The following RIGI variants were observed in gnomAD, a reference collection of about 807,000 sequenced individuals.
RIGI encodes antiviral innate immune response receptor RIG-I.
At chr9:32,504,948 ATATATAT>A in the RIGI span, among the ~76,000 whole-genome samples, 6 of 105,684 alleles carry the variant, frequency 5.7e-5, no homozygotes, top group Middle Eastern at 4.5e-3. Flanking sequence ...ATATTTAAAC[ATATATAT>A]TATATATTTA....
the RIGI span, chr9:32,498,377 AT>A: frequency 2.2e-6 from 1 of 456,572 alleles, no homozygotes; most frequent in Non-Finnish European, 4.4e-6. Flanking sequence ...TGGTCACCCT[AT>A]TCAGCATAAA....
chr9:32,507,221 T>A, the RIGI span, among the ~76,000 whole-genome samples: 19 of 152,170 alleles, frequency 1.2e-4, no homozygotes, highest in Admixed American at 1.2e-3. Flanking sequence ...TCACAGAGCC[T>A]ACAAATTTGA....
chr9:32,493,945 GA>G, the RIGI span: 86 of 1,545,372 alleles, frequency 5.6e-5, no homozygotes, highest in Non-Finnish European at 7.1e-5. Context: ...AGAATAACCT[GA>G]AAAAAAAGAA....
chr9:32,456,874 A>C, the RIGI span: 1 of 434,200 alleles, frequency 2.3e-6, no homozygotes, highest in Non-Finnish European at 4.1e-6. Context: ...TGACTCTAAA[A>C]AGAAGGCTAG....
the RIGI span, among the ~76,000 whole-genome samples, chr9:32,492,012 T>C: frequency 6.6e-6 from 1 of 152,162 alleles, no homozygotes; most frequent in African/African-American, 2.4e-5. Flanking sequence ...AACCAGGCAA[T>C]GTCTGTCAAG....
the RIGI span, among the ~76,000 whole-genome samples, chr9:32,497,735 A>G: frequency 6.6e-6 from 1 of 152,232 alleles, no homozygotes; most frequent in Non-Finnish European, 1.5e-5. Context: ...TGGGCGACAG[A>G]GCGAGACTCC....
At chr9:32,510,913 GA>G in the RIGI span, among the ~76,000 whole-genome samples, 63 of 131,876 alleles carry the variant, frequency 4.8e-4, no homozygotes, top group East Asian at 1.1e-3. Context: ...CAAATGGAAA[GA>G]AAAAAAAAAA....
the RIGI span, chr9:32,457,385 T>C: frequency 6.2e-7 from 1 of 1,613,732 alleles, no homozygotes; most frequent in East Asian, 2.2e-5. Flanking sequence ...AAGCATTCCT[T>C]AAAAGCATCT....
the RIGI span, chr9:32,488,712 T>C: frequency 6.5e-7 from 1 of 1,530,056 alleles, no homozygotes; most frequent in Non-Finnish European, 8.8e-7. Context: ...GAAAAAGAAG[T>C]TGAAGCAACT....
chr9:32,515,827 G>A, the RIGI span, among the ~76,000 whole-genome samples: 1 of 152,160 alleles, frequency 6.6e-6, no homozygotes. Context: ...GCATCATTCA[G>A]CCATGTTATC....
the RIGI span, among the ~76,000 whole-genome samples, chr9:32,516,713 G>C: frequency 6.6e-6 from 1 of 152,188 alleles, no homozygotes; most frequent in Admixed American, 6.5e-5. Context: ...GAAGCACCCT[G>C]ACTCTCAGTA....
At chr9:32,498,348 C>G in the RIGI span, 1 of 456,590 alleles carries the variant, frequency 2.2e-6, no homozygotes, top group African/African-American at 2.0e-5. Flanking sequence ...ATGACTCCTC[C>G]TGTAGCTTAC....
chr9:32,464,770 G>A, the RIGI span, among the ~76,000 whole-genome samples: 34 of 152,286 alleles, frequency 2.2e-4, no homozygotes, highest in East Asian at 3.7e-3. Flanking sequence ...CACAACTCAG[G>A]CTTCCCAGCT....
At chr9:32,472,831 G>T in the RIGI span, 1 of 376,718 alleles carries the variant, frequency 2.7e-6, no homozygotes, top group Non-Finnish European at 4.2e-6. Context: ...TTGACTGATA[G>T]AAGCATTAAA....
chr9:32,515,068 A>G, the RIGI span, among the ~76,000 whole-genome samples: 1 of 152,218 alleles, frequency 6.6e-6, no homozygotes, highest in Non-Finnish European at 1.5e-5. Flanking sequence ...GAGAAGTCAG[A>G]GACCAACTTG....
chr9:32,492,476 T>C, the RIGI span: 2 of 1,614,184 alleles, frequency 1.2e-6, no homozygotes, highest in Non-Finnish European at 1.7e-6. Flanking sequence ...TTTCCTTGTC[T>C]GATCTGAGAA....
the RIGI span, among the ~76,000 whole-genome samples, chr9:32,505,065 T>C: frequency 6.9e-6 from 1 of 144,388 alleles, no homozygotes; most frequent in Non-Finnish European, 1.5e-5. Context: ...TTATACATTA[T>C]ATATTTTATA....
the RIGI span, chr9:32,493,770 T>G: frequency 2.0e-5 from 32 of 1,569,530 alleles, no homozygotes; most frequent in Middle Eastern, 3.6e-4. Flanking sequence ...CCTGTAGAAT[T>G]TCTTCACATT....
At chr9:32,498,394 G>C in the RIGI span, 1 of 456,196 alleles carries the variant, frequency 2.2e-6, no homozygotes, top group East Asian at 6.9e-5. Context: ...ATAAATCTCT[G>C]TTTTACTCTC....
Sources: allele counts gnomAD v4.1 joint callset (sites outside exome capture counted in the v4.1 genomes callset), GRCh38; gene constraint gnomAD v4.1.1; transcripts MANE v1.5; gene names NCBI Gene and HGNC (gene_info 2026-07-23, HGNC 2026-07-21).